ADAM10: variants seen among roughly 807,000 people sequenced by gnomAD.
ADAM10 encodes ADAM metallopeptidase domain 10, also known as disintegrin and metalloproteinase domain-containing protein 10.
In ADAM10, 17 loss-of-function variants were observed where a neutral mutation model predicts 90.1. The ratio of observed to expected loss-of-function variants is 0.19; its 90% CI spans 0.13 to 0.28. The LOEUF is 0.28. ADAM10 is among the 10% of genes least tolerant of loss of function. The probability of loss-of-function intolerance (pLI) is 1.00; values close to 1 mark genes in which losing one functional copy is unlikely to be tolerated. For missense variants in ADAM10, 610 were observed against 914.3 expected, an observed-to-expected ratio of 0.67 and a Z score of 4.29; for synonymous variants, 310 against 298.6, an observed-to-expected ratio of 1.04 and a Z score of -0.40.
At chr15:58,645,087 T>C (rs891590710) in intron 6 of ADAM10, among the ~76,000 whole-genome samples, 4 of 152,194 alleles carry the variant, frequency 2.6e-5, no homozygotes, top group African/African-American at 9.7e-5. Context: ...AGTCTCAAAG[T>C]TATTTTCAAA....
chr15:58,737,183 A>G (rs1370114276), intron 1 of ADAM10, among the ~76,000 whole-genome samples: 1 of 152,090 alleles, frequency 6.6e-6, no homozygotes, highest in Non-Finnish European at 1.5e-5. Flanking sequence ...TTAAAAAATT[A>G]TTTTTCCTAA....
intron 5 of ADAM10, among the ~76,000 whole-genome samples, chr15:58,650,214 T>C (rs1476337927): frequency 6.6e-6 from 1 of 152,192 alleles, no homozygotes; most frequent in Non-Finnish European, 1.5e-5. Context: ...TGTTCTTCCA[T>C]CATGTTGTTT....
chr15:58,624,237 G>C (rs1895872151), intron 10 of ADAM10, among the ~76,000 whole-genome samples: 1 of 151,812 alleles, frequency 6.6e-6, no homozygotes, highest in Non-Finnish European at 1.5e-5. Context: ...AGTGAGCCGA[G>C]ATCGTGCCAC....
intron 2 of ADAM10, among the ~76,000 whole-genome samples, chr15:58,684,947 T>C (rs1198026120): frequency 6.6e-6 from 1 of 152,086 alleles, no homozygotes; most frequent in Non-Finnish European, 1.5e-5. Flanking sequence ...ATCAAGAGAA[T>C]TGGTTGCTGG....
intron 1 of ADAM10, among the ~76,000 whole-genome samples, chr15:58,726,091 G>C (rs572867550): frequency 7.9e-5 from 12 of 152,168 alleles, no homozygotes; most frequent in African/African-American, 2.7e-4. Flanking sequence ...ACAATCTACT[G>C]TGGAATTTAT....
At chr15:58,659,270 C>T (rs1282371511) in intron 5 of ADAM10, among the ~76,000 whole-genome samples, 1 of 150,790 alleles carries the variant, frequency 6.6e-6, no homozygotes, top group Admixed American at 6.6e-5. Flanking sequence ...GAGAATCCGT[C>T]TCAAAAAAGA....
At chr15:58,598,714 T>C (rs562415562) in intron 15 of ADAM10, among the ~76,000 whole-genome samples, 2 of 152,302 alleles carry the variant, frequency 1.3e-5, no homozygotes, top group Non-Finnish European at 2.9e-5. Context: ...TACGAATACC[T>C]TGGAGAAGGG....
intron 11 of ADAM10, among the ~76,000 whole-genome samples, chr15:58,619,312 G>A (rs868445009): frequency 2.0e-5 from 3 of 152,190 alleles, no homozygotes; most frequent in Non-Finnish European, 4.4e-5. Flanking sequence ...GTAGAATGGT[G>A]TTACAAGAGG....
At chr15:58,604,539 C>T (rs1469852465) in intron 14 of ADAM10, among the ~76,000 whole-genome samples, 1 of 152,142 alleles carries the variant, frequency 6.6e-6, no homozygotes, top group Admixed American at 6.5e-5. Context: ...TACCTCAGTA[C>T]CTACCCAACA....
At chr15:58,623,819 A>T (rs1895856610) in intron 10 of ADAM10, among the ~76,000 whole-genome samples, 1 of 152,086 alleles carries the variant, frequency 6.6e-6, no homozygotes, top group African/African-American at 2.4e-5. Context: ...GTCCAGGGGT[A>T]GAAGGTGAGG....
At chr15:58,729,880 TGAACCCAGGAGG>T (rs1350329830) in intron 1 of ADAM10, among the ~76,000 whole-genome samples, 1 of 151,088 alleles carries the variant, frequency 6.6e-6, no homozygotes, top group Non-Finnish European at 1.5e-5. Flanking sequence ...AAGAACCGCT[TGAACCCAGGAGG>T]CGGAGGCTGC....
At chr15:58,652,788 T>C (rs565718946) in intron 5 of ADAM10, among the ~76,000 whole-genome samples, 1 of 147,390 alleles carries the variant, frequency 6.8e-6, no homozygotes, top group African/African-American at 2.6e-5. Context: ...CAATGGCATT[T>C]TGGTAGCAAT....
intron 1 of ADAM10, among the ~76,000 whole-genome samples, chr15:58,737,600 T>C (rs1474767152): frequency 6.6e-6 from 1 of 152,170 alleles, no homozygotes; most frequent in Non-Finnish European, 1.5e-5. Context: ...AGAGATGCTG[T>C]GAAGACCAAG....
At chr15:58,665,324 T>C (rs930499816) in intron 4 of ADAM10, 127 bp from the exon 5 acceptor site, 5 of 782,960 alleles carry the variant, frequency 6.4e-6, no homozygotes, top group East Asian at 2.6e-5. Context: ...TAAGCACCTA[T>C]GGAAAAGGCA....
intron 2 of ADAM10, among the ~76,000 whole-genome samples, chr15:58,684,739 G>T (rs1184696299): frequency 6.6e-6 from 1 of 152,204 alleles, no homozygotes; most frequent in Non-Finnish European, 1.5e-5. Flanking sequence ...TCTAACCTTA[G>T]GAGGAGGTTG....
chr15:58,627,092 G>A (rs918129448), intron 10 of ADAM10, among the ~76,000 whole-genome samples: 23 of 152,192 alleles, frequency 1.5e-4, no homozygotes, highest in Middle Eastern at 3.4e-3. Flanking sequence ...TTCATACAAC[G>A]TAATAGTACT....
At chr15:58,695,746 C>T (rs1303988228) in intron 2 of ADAM10, among the ~76,000 whole-genome samples, 1 of 152,004 alleles carries the variant, frequency 6.6e-6, no homozygotes, top group Admixed American at 6.5e-5. Flanking sequence ...TTTTGGGAGG[C>T]TGAGGCGGAT....
chr15:58,610,598 A>G (rs1895411732), intron 13 of ADAM10, 81 bp from the exon 14 acceptor site: 2 of 1,401,106 alleles, frequency 1.4e-6, no homozygotes, highest in Non-Finnish European at 2.0e-6. Context: ...GTGCAAATAC[A>G]AAGAGGGAAA....
chr15:58,746,042 T>G (rs1346751356), intron 1 of ADAM10, among the ~76,000 whole-genome samples: 17 of 152,246 alleles, frequency 1.1e-4, no homozygotes, highest in African/African-American at 2.9e-4. Flanking sequence ...AGCTAATGTA[T>G]GAAAGCCGCT....
Sources: gnomAD v4.1 joint callset for allele counts (sites outside exome capture counted in the v4.1 genomes callset) on GRCh38, gnomAD v4.1.1 for gene constraint, MANE v1.5 for transcripts, NCBI Gene and HGNC (gene_info 2026-07-23, HGNC 2026-07-21) for gene names.